The following EVI5 variants were observed in gnomAD, a reference collection of about 807,000 sequenced individuals.
The protein encoded by EVI5 is ecotropic viral integration site 5 protein homolog.
Under a neutral mutation model 112.0 loss-of-function variants are expected in EVI5, and 73 were observed. That is an observed-to-expected ratio of 0.65 (90% confidence interval 0.54 to 0.79). EVI5 has a LOEUF of 0.79. EVI5 is among the 30% of genes least tolerant of loss of function. EVI5 has a pLI of 0.00. For missense variants in EVI5, 900 were observed against 968.8 expected (o/e 0.93, Z 0.94); for synonymous variants, 305 against 319.9 (o/e 0.95, Z 0.50).
chr1:92,664,935 G>A (rs540494372), intron 11 of EVI5, among the ~76,000 whole-genome samples: 3 of 152,284 alleles, frequency 2.0e-5, no homozygotes, highest in East Asian at 1.9e-4. Flanking sequence ...GGCTGGGCAC[G>A]GTGGCTCATG....
intron 14 of EVI5, among the ~76,000 whole-genome samples, chr1:92,635,735 G>C (rs1318835557): frequency 1.3e-5 from 2 of 152,132 alleles, no homozygotes; most frequent in African/African-American, 4.8e-5. Flanking sequence ...TTCGTCTTCT[G>C]CGTCGCTCAC....
At chr1:92,719,691 C>A (rs370783438) in intron 2 of EVI5, among the ~76,000 whole-genome samples, 2 of 151,860 alleles carry the variant, frequency 1.3e-5, no homozygotes, top group East Asian at 3.9e-4. Context: ...TGGAAGTTCT[C>A]GCCAGGGTAA....
intron 7 of EVI5, 95 bp downstream of exon 7, chr1:92,695,215 A>G: frequency 2.0e-6 from 2 of 1,015,270 alleles, no homozygotes; most frequent in Admixed American, 2.5e-5. Flanking sequence ...CATGGGACAC[A>G]TGGCTTTCCT....
At chr1:92,785,390 C>A (rs1244814345), upstream of EVI5, among the ~76,000 whole-genome samples, 13 of 152,232 alleles carry the variant, frequency 8.5e-5, no homozygotes, top group African/African-American at 3.1e-4. Flanking sequence ...CGACCCCGAG[C>A]TTAGGACTGC....
At chr1:92,677,353 T>G in intron 9 of EVI5, 135 bp from the exon 10 acceptor site, 2 of 503,624 alleles carry the variant, frequency 4.0e-6, no homozygotes, top group Non-Finnish European at 6.8e-6. Context: ...TTGGAGATAT[T>G]TGATGTGAGA....
intron 1 of EVI5, among the ~76,000 whole-genome samples, chr1:92,778,641 A>C (rs566518907): frequency 1.3e-5 from 2 of 152,322 alleles, no homozygotes; most frequent in Admixed American, 6.5e-5. Flanking sequence ...CAGTGGAGAC[A>C]GCCTCAAACA....
At chr1:92,538,798 AGGCACAGGTG>A (rs749665950) in intron 19 of EVI5, among the ~76,000 whole-genome samples, 147 of 152,342 alleles carry the variant, frequency 9.6e-4, no homozygotes, top group Non-Finnish European at 1.6e-3. Flanking sequence ...AGGAGAAATC[AGGCACAGGTG>A]GCATGGGGAA....
rs556769877 is a variant in EVI5 at position 92,570,764 on chromosome 1, C to G, written c.2071-7027G>C. Among the ~76,000 whole-genome samples the G allele has an allele frequency of 2.0e-3, 305 of 152,070 alleles. 2 individuals carry two copies. The highest frequency in any genetic ancestry group is 3.0e-3 in the Non-Finnish European group (201 of 67,972). On this transcript the variant is annotated intron_variant, in intron 18 of 19. Transcript: ENST00000684568. ...ATTAAAGTTGTTATACAAAAGCTAC[C>G]AAGTGACTCCAAAGATGTTTTTTCC...
intron 13 of EVI5, among the ~76,000 whole-genome samples, chr1:92,659,035 T>G (rs1360688897): frequency 6.6e-6 from 1 of 152,076 alleles, no homozygotes; most frequent in Admixed American, 6.5e-5. Flanking sequence ...TGAAGAAGAA[T>G]GAAATTGGAT....
In EVI5 at chr1:92,593,075, C is replaced by A. The variant is rs573195462; in HGVS notation, c.2070+12232G>T. Among the ~76,000 whole-genome samples, 87 of 152,270 alleles carry A rather than the reference C, an allele frequency of 5.7e-4. 1 individual carries two copies. In the South Asian group the frequency reaches 0.017, roughly 31 times the overall value. ...ATCCTCCCTAACTCATTTTATGAGG[C>A]CAGCATCATCCTGATACCAAAGCCT... On this transcript the variant is annotated intron_variant, in intron 18 of 19. Coordinates refer to ENST00000684568, the MANE Select transcript of EVI5 (RefSeq NM_001350197.2).
rs1334567381 is a variant in EVI5 at position 92,512,000 on chromosome 1, AG to A, written c.*1655del. On this transcript the variant is annotated 3_prime_UTR_variant, in exon 20 of 20. Coordinates refer to ENST00000684568, the MANE Select transcript of EVI5 (RefSeq NM_001350197.2). ...TTTTCTCTTCCAAGGCTTTTTCCAT[AG>A]GTTAACAAAATGTTTTTTTTTTCAT... The A allele has an allele frequency of 2.0e-5, 3 of 152,318 alleles. No individual in the cohort carries two copies. Among genetic ancestry groups the A allele is most frequent in the Admixed American group, 6.6e-5 (1 of 15,254 alleles). 9.4% of individuals were successfully genotyped at this position (152,318 alleles called of 1,614,324 possible).
intron 2 of EVI5, among the ~76,000 whole-genome samples, chr1:92,726,004 G>A (rs1035708877): frequency 1.7e-4 from 26 of 152,144 alleles, no homozygotes; most frequent in African/African-American, 9.7e-5. Flanking sequence ...TATGGCAAAA[G>A]ACAGTATTAG....
At chr1:92,622,779 T>C (rs895171795) in intron 16 of EVI5, among the ~76,000 whole-genome samples, 13 of 152,236 alleles carry the variant, frequency 8.5e-5, no homozygotes, top group Non-Finnish European at 1.8e-4. Context: ...ATCACACTTA[T>C]TAGTCAGCAA....
chr1:92,777,551 C>A (rs545492285), intron 1 of EVI5, among the ~76,000 whole-genome samples: 2 of 152,268 alleles, frequency 1.3e-5, no homozygotes, highest in East Asian at 1.9e-4. Context: ...GAAATGATAT[C>A]TTGACCAATA....
intron 18 of EVI5, among the ~76,000 whole-genome samples, chr1:92,579,605 C>T (rs1671624909): frequency 6.6e-6 from 1 of 152,088 alleles, no homozygotes; most frequent in African/African-American, 2.4e-5. Flanking sequence ...CATTTTTCCC[C>T]TCTGTATACA....
intron 18 of EVI5, among the ~76,000 whole-genome samples, chr1:92,579,231 T>A (rs1408825418): frequency 1.3e-5 from 2 of 152,206 alleles, no homozygotes; most frequent in East Asian, 3.8e-4. Context: ...TAAATATTCA[T>A]CTTATTAATA....
intron 1 of EVI5, among the ~76,000 whole-genome samples, chr1:92,737,400 T>A (rs948779652): frequency 6.6e-5 from 10 of 152,144 alleles, no homozygotes; most frequent in Admixed American, 6.5e-4. Flanking sequence ...AGGGTTAAGT[T>A]TCTGTTTTAG....
chr1:92,726,935 A>G (rs1316844132), intron 2 of EVI5, among the ~76,000 whole-genome samples: 1 of 152,192 alleles, frequency 6.6e-6, no homozygotes, highest in Non-Finnish European at 1.5e-5. Context: ...TAAATCAATA[A>G]ATGAACTATA....
At chr1:92,580,623 T>C in intron 18 of EVI5, 1 of 136,596 alleles carries the variant, frequency 7.3e-6, no homozygotes, top group South Asian at 2.2e-4. Context: ...AACATGCTTT[T>C]TCAGTTGAAT....
Sources: gnomAD v4.1 joint callset for allele counts (sites outside exome capture counted in the v4.1 genomes callset) on GRCh38, gnomAD v4.1.1 for gene constraint, MANE v1.5 for transcripts, NCBI Gene and HGNC (gene_info 2026-07-23, HGNC 2026-07-21) for gene names.